The following SLC4A8 variants were observed in gnomAD, a reference collection of about 807,000 sequenced individuals.
The protein encoded by SLC4A8 is solute carrier family 4 member 8, also known as electroneutral sodium bicarbonate exchanger 1.
A neutral mutation model predicts 125.0 loss-of-function variants in SLC4A8; 40 were observed. The observed-to-expected ratio is 0.32, with a 90% CI of 0.25 to 0.42. The LOEUF is 0.42. SLC4A8 is among the 10% of genes least tolerant of loss of function. The pLI, the probability that SLC4A8 is intolerant of heterozygous loss-of-function variation, is 1.00. For synonymous variants in SLC4A8, 456 were observed against 476.0 expected, an observed-to-expected ratio of 0.96 and a Z score of 0.55; for missense variants, 863 against 1,355.1, an observed-to-expected ratio of 0.64 and a Z score of 5.70.
intron 1 of SLC4A8, among the ~76,000 whole-genome samples, chr12:51,437,283 G>T (rs1013715875): frequency 2.0e-5 from 3 of 152,212 alleles, no homozygotes; most frequent in Non-Finnish European, 4.4e-5. Flanking sequence ...GGAACAGTAA[G>T]CTGGAAACTT....
intron 1 of SLC4A8, chr12:51,403,279 G>C: frequency 6.6e-6 from 3 of 455,684 alleles, no homozygotes; most frequent in Non-Finnish European, 1.3e-5. Flanking sequence ...AAGGATCAGT[G>C]GAGCCAACAT....
At chr12:51,399,341 C>T (rs1398558042) in intron 1 of SLC4A8, among the ~76,000 whole-genome samples, 2 of 152,226 alleles carry the variant, frequency 1.3e-5, no homozygotes, top group African/African-American at 4.8e-5. Context: ...CTTCTCCCAT[C>T]TGCAGTCACC....
At position 51,471,351 on chromosome 12, in the gene SLC4A8, A is replaced by G. The variant is rs1950692908; in HGVS notation, c.1723A>G (p.Ile575Val). The G allele has an allele frequency of 6.2e-7, 1 of 1,613,922 alleles. No homozygotes were observed. Among genetic ancestry groups the G allele is most frequent in the Middle Eastern group, 1.6e-4 (1 of 6,062 alleles). ...TGGACTGTGGACCGCTTTCCTGTGT[A>G]TTGTCCTTGTGGCAACTGATGCCAG... ...CIGLWTAFLCIVLVATDASSL... is the reference protein window; with the variant it reads ...CIGLWTAFLCVVLVATDASSL... The change falls in exon 14 of 25, where the codon ATT becomes GTT. Residue 575 changes from isoleucine (I) to valine (V), a missense_variant. Coordinates refer to ENST00000453097, the MANE Select transcript of SLC4A8 (RefSeq NM_001039960.3).
At chr12:51,458,783 T>G in intron 7 of SLC4A8, 133 bp downstream of exon 7, 1 of 628,632 alleles carries the variant, frequency 1.6e-6, no homozygotes, top group Non-Finnish European at 2.8e-6. Context: ...CCTTTCTGCA[T>G]AAAAGGGGGC....
chr12:51,475,880 A>T (rs1275658619), intron 16 of SLC4A8, among the ~76,000 whole-genome samples: 1 of 152,256 alleles, frequency 6.6e-6, no homozygotes, highest in Non-Finnish European at 1.5e-5. Flanking sequence ...CAGAAAGTTA[A>T]CACTGAAAAG....
At position 51,461,283 on chromosome 12, in the gene SLC4A8, A is replaced by G. The variant is rs1421684644; in HGVS notation, c.1093A>G (p.Thr365Ala). ...EIGRSMATIMTDEIFHDVAYK... is the reference protein window; with the variant it reads ...EIGRSMATIMADEIFHDVAYK... ...TGGCAGATCCATGGCCACCATCATG[A>G]CAGATGAGGTATGTGCAACTTTTGC... Residue 365 changes from threonine (T) to alanine (A), a missense_variant, in exon 9 of 25, where the codon ACA (threonine) becomes GCA (alanine). Physicochemically the swap from Thr to Ala is moderately conservative, Grantham distance 58 (BLOSUM62 0). Coordinates refer to ENST00000453097, the MANE Select transcript of SLC4A8 (RefSeq NM_001039960.3). 6.3e-7 allele frequency: 1 copy of G among 1,596,632 alleles called. No homozygotes were observed. Among genetic ancestry groups the G allele is most frequent in the Non-Finnish European group, 8.6e-7 (1 of 1,164,284 alleles).
At chr12:51,410,177 C>A (rs955877466) in intron 1 of SLC4A8, among the ~76,000 whole-genome samples, 9 of 152,088 alleles carry the variant, frequency 5.9e-5, no homozygotes, top group African/African-American at 2.2e-4. Flanking sequence ...GAGTGCCTGG[C>A]GGGAAAGGGA....
chr12:51,427,836 G>C (rs1347135437), intron 1 of SLC4A8, among the ~76,000 whole-genome samples: 1 of 152,260 alleles, frequency 6.6e-6, no homozygotes, highest in Admixed American at 6.5e-5. Flanking sequence ...TTGCCCTTCT[G>C]TAAGACTACT....
intron 11 of SLC4A8, among the ~76,000 whole-genome samples, chr12:51,464,862 C>T (rs928742772): frequency 3.3e-5 from 5 of 152,092 alleles, no homozygotes; most frequent in African/African-American, 1.2e-4. Flanking sequence ...GGAGAGGAGA[C>T]AGAAACAGGA....
chr12:51,412,359 TA>T, intron 1 of SLC4A8, among the ~76,000 whole-genome samples: 1 of 152,198 alleles, frequency 6.6e-6, no homozygotes, highest in Non-Finnish European at 1.5e-5. Context: ...GATACATGCA[TA>T]CAGTATGTAT....
intron 10 of SLC4A8, 166 bp downstream of exon 10, chr12:51,462,622 G>T: frequency 3.8e-6 from 2 of 522,554 alleles, no homozygotes; most frequent in Non-Finnish European, 6.2e-6. Context: ...GCTGGGTGTG[G>T]TGGCTCACAC....
chr12:51,440,878 T>C, intron 2 of SLC4A8, 89 bp downstream of exon 2: 1 of 1,142,494 alleles, frequency 8.8e-7, no homozygotes, highest in Non-Finnish European at 1.2e-6. Context: ...ACTCTCTCAC[T>C]AGCTGTCAGA....
At chr12:51,413,447 T>C (rs1002090296) in intron 1 of SLC4A8, among the ~76,000 whole-genome samples, 27 of 152,204 alleles carry the variant, frequency 1.8e-4, no homozygotes, top group African/African-American at 6.3e-4. Flanking sequence ...TTTTTGTTTT[T>C]GTTGCCTATG....
At chr12:51,397,717 T>A (rs1375792861) in intron 1 of SLC4A8, among the ~76,000 whole-genome samples, 1 of 143,048 alleles carries the variant, frequency 7.0e-6, no homozygotes, top group Non-Finnish European at 1.6e-5. Context: ...TCATCAATTC[T>A]AAGGTGCATT....
intron 9 of SLC4A8, chr12:51,462,051 G>T: frequency 1.1e-5 from 4 of 351,744 alleles, no homozygotes; most frequent in Non-Finnish European, 1.5e-5. Context: ...TAACATAATT[G>T]TACAACTTTA....
chr12:51,403,680 G>C (rs1013693143), intron 1 of SLC4A8, among the ~76,000 whole-genome samples: 5 of 152,150 alleles, frequency 3.3e-5, no homozygotes, highest in African/African-American at 1.2e-4. Flanking sequence ...TTATACCCCA[G>C]CCACATGGCA....
intron 19 of SLC4A8, among the ~76,000 whole-genome samples, chr12:51,490,871 A>G (rs1951296853): frequency 6.6e-6 from 1 of 152,198 alleles, no homozygotes; most frequent in Non-Finnish European, 1.5e-5. Flanking sequence ...ACTCTGGCTG[A>G]GGTCTAGGGA....
intron 11 of SLC4A8, among the ~76,000 whole-genome samples, chr12:51,466,983 G>A (rs936242574): frequency 6.6e-6 from 1 of 152,072 alleles, no homozygotes; most frequent in African/African-American, 2.4e-5. Context: ...GTGTATGTGT[G>A]TGTAGGGGGT....
intron 11 of SLC4A8, among the ~76,000 whole-genome samples, chr12:51,467,637 G>GT (rs1950560913): frequency 6.6e-6 from 1 of 152,038 alleles, no homozygotes; most frequent in Non-Finnish European, 1.5e-5. Flanking sequence ...TAGCTTGTGT[G>GT]TTTTTTAAAA....
Sources: allele counts gnomAD v4.1 joint callset (sites outside exome capture counted in the v4.1 genomes callset), GRCh38; gene constraint gnomAD v4.1.1; transcripts MANE v1.5; gene names NCBI Gene and HGNC (gene_info 2026-07-23, HGNC 2026-07-21).